TUT4: variants seen among roughly 807,000 people sequenced by gnomAD.
TUT4 encodes the protein terminal uridylyltransferase 4.
In TUT4, 36 loss-of-function variants were observed where a neutral mutation model predicts 192.2. The ratio of observed to expected loss-of-function variants is 0.19; its 90% CI spans 0.14 to 0.25. The LOEUF is 0.25. Ranked by LOEUF, TUT4 falls within the 10% of genes least tolerant of loss-of-function variation. TUT4 has a pLI of 1.00. For missense variants in TUT4, 1,493 were observed against 1,957.2 expected, an observed-to-expected ratio of 0.76 and a Z score of 4.47; for synonymous variants, 618 against 666.0, an observed-to-expected ratio of 0.93 and a Z score of 1.11.
intron 26 of TUT4, among the ~76,000 whole-genome samples, chr1:52,436,189 C>G (rs1205091247): frequency 6.6e-6 from 1 of 152,112 alleles, no homozygotes; most frequent in African/African-American, 2.4e-5. Flanking sequence ...GAATCTGACT[C>G]AAATCCAAAG....
At chr1:52,454,377 T>C (rs920133130) in intron 20 of TUT4, among the ~76,000 whole-genome samples, 6 of 152,108 alleles carry the variant, frequency 3.9e-5, no homozygotes, top group African/African-American at 1.4e-4. Context: ...AAATAATAAA[T>C]AAATCAATGC....
intron 1 of TUT4, among the ~76,000 whole-genome samples, chr1:52,538,061 C>T (rs1336572105): frequency 6.6e-6 from 1 of 152,034 alleles, no homozygotes; most frequent in Admixed American, 6.6e-5. Flanking sequence ...CATGGTGAAA[C>T]CCCGTCTCTA....
intron 1 of TUT4, among the ~76,000 whole-genome samples, chr1:52,550,203 A>T (rs1279131036): frequency 1.3e-5 from 2 of 152,206 alleles, no homozygotes; most frequent in African/African-American, 2.4e-5. Flanking sequence ...TTCTAGAATT[A>T]AAACAATTCA....
At position 52,475,033 on chromosome 1, in the gene TUT4, A is replaced by G. The variant is rs1428985513; in HGVS notation, c.2526T>C (p.Pro842=). The stretch of plus-strand genomic sequence containing the variant: ...CTGTTCCAGTAGATTTATCTGGGTC[A>G]GGCGACTTAGACAAATCAATGCAAT... ...QCNCIDLSKS[P]DPDKSTGTDC... is the part of the protein sequence containing the mutation. The change falls in exon 13 of 30, where the codon CCT becomes CCC. Residue 842 remains proline, a synonymous_variant. Coordinates refer to ENST00000257177, the MANE Select transcript of TUT4 (RefSeq NM_001009881.3). The G allele has an allele frequency of 6.2e-7, 1 of 1,614,210 alleles. No individual in the cohort carries two copies. Among genetic ancestry groups the G allele is most frequent in the East Asian group, 2.2e-5 (1 of 44,882 alleles).
In TUT4 at chr1:52,431,071, G is replaced by A. The variant is rs758314030; in HGVS notation, c.4653C>T (p.His1551=). ...VAIPNTSHDG[H]WPRTVAPNSL... Reference sequence around the variant, plus strand: ...AATTTGGAGCCACAGTACGGGGCCAGTGTCCATCGTGAGACGTGTTAGGGA... The same window carrying A: ...AATTTGGAGCCACAGTACGGGGCCAATGTCCATCGTGAGACGTGTTAGGGA... Residue 1551 remains histidine (H), a synonymous_variant, in exon 28 of 30, where the codon CAC becomes CAT. Coordinates refer to ENST00000257177, the MANE Select transcript of TUT4 (RefSeq NM_001009881.3). 2 of 1,613,556 alleles carry A rather than the reference G, an allele frequency of 1.2e-6. No individual in the cohort carries two copies. The highest frequency in any genetic ancestry group is 1.7e-6 in the Non-Finnish European group (2 of 1,179,542).
chr1:52,447,070 A>T (rs1657729370), intron 20 of TUT4, among the ~76,000 whole-genome samples: 1 of 152,236 alleles, frequency 6.6e-6, no homozygotes, highest in Non-Finnish European at 1.5e-5. Flanking sequence ...AAGGAAGGCA[A>T]CAGAACTGTT....
intron 16 of TUT4, chr1:52,463,761 C>A: frequency 7.7e-7 from 1 of 1,304,248 alleles, no homozygotes. Flanking sequence ...GGACAATCTC[C>A]TTCCCACTAT....
At chr1:52,496,898 C>T (rs1672586237) in intron 5 of TUT4, 108 bp downstream of exon 5, 2 of 1,110,284 alleles carry the variant, frequency 1.8e-6, no homozygotes, top group South Asian at 1.6e-5. Context: ...ATTTTATCTA[C>T]TTTTAAGGAG....
intron 14 of TUT4, 65 bp downstream of exon 14, chr1:52,471,887 G>GA: frequency 1.3e-6 from 2 of 1,491,606 alleles, no homozygotes; most frequent in Middle Eastern, 2.3e-4. Flanking sequence ...TTTTAAATCA[G>GA]AAAATTAATA....
intron 20 of TUT4, among the ~76,000 whole-genome samples, chr1:52,457,503 G>A (rs1661321557): frequency 1.3e-5 from 2 of 152,124 alleles, no homozygotes; most frequent in Non-Finnish European, 1.5e-5. Flanking sequence ...CAAAGTGCTG[G>A]GATTACAGGC....
intron 2 of TUT4, among the ~76,000 whole-genome samples, chr1:52,523,761 CT>C (rs1680934150): frequency 7.6e-6 from 1 of 132,162 alleles, no homozygotes; most frequent in African/African-American, 3.9e-5. Flanking sequence ...TGCCCTCAGC[CT>C]TAATATACAA....
intron 16 of TUT4, chr1:52,463,408 C>T: frequency 9.9e-7 from 1 of 1,012,186 alleles, no homozygotes; most frequent in East Asian, 1.0e-4. Context: ...GTTAAGACAC[C>T]AGAAGCAACT....
chr1:52,461,840 T>A, intron 16 of TUT4, 71 bp from the exon 17 acceptor site: 1 of 875,276 alleles, frequency 1.1e-6, no homozygotes, highest in Non-Finnish European at 1.7e-6. Flanking sequence ...AATCTAAGCA[T>A]TTAATAGTAG....
intron 4 of TUT4, among the ~76,000 whole-genome samples, chr1:52,507,738 A>G (rs1675998528): frequency 6.6e-6 from 1 of 152,234 alleles, no homozygotes. Context: ...AAAATCTGAA[A>G]AAATCCAAAA....
chr1:52,442,036 C>T (rs1037810028), intron 24 of TUT4, among the ~76,000 whole-genome samples: 19 of 151,960 alleles, frequency 1.3e-4, no homozygotes, highest in Non-Finnish European at 2.6e-4. Context: ...GGCATGGTGG[C>T]GTGCACCTGT....
chr1:52,439,997 C>G (rs775199820), intron 24 of TUT4, among the ~76,000 whole-genome samples: 1 of 152,118 alleles, frequency 6.6e-6, no homozygotes, highest in Non-Finnish European at 1.5e-5. Flanking sequence ...AAACATCACA[C>G]TAAAATGAAA....
intron 1 of TUT4, among the ~76,000 whole-genome samples, chr1:52,544,325 G>C (rs1687515946): frequency 2.0e-5 from 3 of 151,724 alleles, no homozygotes. Context: ...AAATAGTATG[G>C]TATTAGTATA....
intron 1 of TUT4, among the ~76,000 whole-genome samples, chr1:52,533,569 C>A (rs1177024755): frequency 6.6e-6 from 1 of 152,156 alleles, no homozygotes; most frequent in African/African-American, 2.4e-5. Context: ...TCACTATCAT[C>A]CTACCAATTC....
chr1:52,540,096 G>A (rs1340356554), intron 1 of TUT4, among the ~76,000 whole-genome samples: 1 of 150,762 alleles, frequency 6.6e-6, no homozygotes, highest in Non-Finnish European at 1.5e-5. Flanking sequence ...GCGGGCGCCT[G>A]TGTTACCAGC....
Sources: allele counts gnomAD v4.1 joint callset (sites outside exome capture counted in the v4.1 genomes callset), GRCh38; gene constraint gnomAD v4.1.1; transcripts MANE v1.5; gene names NCBI Gene and HGNC (gene_info 2026-07-23, HGNC 2026-07-21).